Variants in SLC66A2 observed in about 807,000 individuals in gnomAD.
SLC66A2 encodes the protein solute carrier family 66 member 2, also known as PQ loop repeat containing 1.
SLC66A2 carries 23 observed loss-of-function variants against 25.5 expected under a neutral mutation model. The ratio of observed to expected loss-of-function variants is 0.90; its 90% CI spans 0.65 to 1.28. The LOEUF (loss-of-function observed/expected upper bound fraction) is 1.28. Among genes scored for constraint, SLC66A2 ranks in the 50% most tolerant of loss-of-function variants. The pLI is 0.00. For synonymous variants in SLC66A2, 193 were observed against 166.5 expected (o/e 1.16, Z -1.23); for missense variants, 396 against 373.1 (o/e 1.06, Z -0.51).
chr18:79,946,425 T>C (rs28549295), intron 2 of SLC66A2, among the ~76,000 whole-genome samples: 20,579 of 152,280 alleles, frequency 0.14, 1,445 homozygotes, highest in East Asian at 0.22. Context: ...GCCATGAACT[T>C]AGGAGAGCAC....
intron 2 of SLC66A2, chr18:79,947,119 T>C (rs940696365): frequency 1.3e-5 from 2 of 152,306 alleles, no homozygotes; most frequent in African/African-American, 4.8e-5. Flanking sequence ...TGGGTGCTAC[T>C]GTGGGTGGAG....
At position 79,941,277 on chromosome 18, in the gene SLC66A2, C is replaced by T. The variant is rs1987643124; in HGVS notation, c.337+2052G>A. 6.6e-6 allele frequency among the ~76,000 whole-genome samples: 1 copy of T among 152,192 alleles called. No homozygotes were observed. Among genetic ancestry groups the T allele is most frequent in the Admixed American group, 6.5e-5 (1 of 15,284 alleles). Reference sequence around the variant, plus strand: ...AGAGCCAGGCCCTCAGCTCCAGCACCTGACCATCTCCTCTGCGGCCCTTGT... The same window carrying T: ...AGAGCCAGGCCCTCAGCTCCAGCACTTGACCATCTCCTCTGCGGCCCTTGT... On this transcript the variant is annotated intron_variant, in intron 3 of 5. Transcript: ENST00000397778. This position sits in a 1 kb window ranked among gnomAD's most constrained non-coding sequence, Gnocchi z 4.1.
In SLC66A2 at chr18:79,909,460, A is replaced by C. The variant is rs901295779; in HGVS notation, c.609-5277T>G. On this transcript the variant is annotated intron_variant, in intron 5 of 5. Coordinates refer to ENST00000397778, the MANE Select transcript of SLC66A2 (RefSeq NM_025078.5). ...CCACAGAGTCCTCAACCTTCCCCAC[A>C]ACCTCACCAGAGTCCCCAACCTTCC... 4.1e-5 allele frequency among the ~76,000 whole-genome samples: 6 copies of C among 145,224 alleles called. No individual in the cohort carries two copies. The East Asian group carries it at 6.3e-4, about 15-fold the overall frequency.
rs143558163 is a variant in SLC66A2, at chr18:79,927,664, C to T, written c.391+6305G>A. Among the ~76,000 whole-genome samples the T allele has an allele frequency of 5.2e-4, 79 of 152,252 alleles. 1 individual carries two copies. Among genetic ancestry groups the T allele is most frequent in the Middle Eastern group, 3.4e-3 (1 of 292 alleles). On this transcript the variant is annotated intron_variant, in intron 4 of 5. Coordinates refer to ENST00000397778, the MANE Select transcript of SLC66A2 (RefSeq NM_025078.5). This position sits in a 1 kb window ranked among gnomAD's most constrained non-coding sequence, Gnocchi z 6.2. ...CCCTCGGGGAGTGACAGAGCCCCCG[C>T]CCCAACCCCAGTGAGTGGGACAGGC...
chr18:79,942,376 G>A (rs879520800), intron 3 of SLC66A2, among the ~76,000 whole-genome samples: 1 of 152,158 alleles, frequency 6.6e-6, no homozygotes, highest in Non-Finnish European at 1.5e-5. Context: ...TTTCTACAGA[G>A]GCTGAAAGCA....
At position 79,917,467 on chromosome 18, in the gene SLC66A2, A is replaced by C. The variant is rs1444660368; in HGVS notation, c.608+1717T>G. 6.6e-6 allele frequency among the ~76,000 whole-genome samples: 1 copy of C among 152,214 alleles called. No individual in the cohort carries two copies. Among genetic ancestry groups the C allele is most frequent in the Admixed American group, 6.5e-5 (1 of 15,304 alleles). On this transcript the variant is annotated intron_variant, in intron 5 of 5. Coordinates refer to ENST00000397778, the MANE Select transcript of SLC66A2 (RefSeq NM_025078.5). This position sits in a 1 kb window ranked among gnomAD's most constrained non-coding sequence, Gnocchi z 6.0. ...ATGCTCTGGAGGGCACAGGCCTGGC[A>C]CCCAGGCACCTCCCACAGATCTCCA...
chr18:79,944,896 G>A (rs1367082063), intron 2 of SLC66A2, among the ~76,000 whole-genome samples: 2 of 140,718 alleles, frequency 1.4e-5, no homozygotes, highest in African/African-American at 5.3e-5. Flanking sequence ...TATCGACTCA[G>A]AGCAGAAGCA....
Position 79,918,932 on chromosome 18 carries a change from C to T in SLC66A2, c.608+252G>A, listed in dbSNP as rs947326761. ...CTCCCACTGGAAGGTTCCGTCTCAA[C>T]GGCCCTGAAGGAGCAGCTCCCAACC... On this transcript the variant is annotated intron_variant, in intron 5 of 5. Transcript: ENST00000397778. This position sits in a 1 kb window ranked among gnomAD's most constrained non-coding sequence, Gnocchi z 4.0. Among the ~76,000 whole-genome samples the T allele has an allele frequency of 1.3e-5, 2 of 152,242 alleles. No individual in the cohort carries two copies. The highest frequency in any genetic ancestry group is 4.8e-5 in the African/African-American group (2 of 41,464).
chr18:79,946,307 C>T (rs1482028122), intron 2 of SLC66A2, among the ~76,000 whole-genome samples: 2 of 152,184 alleles, frequency 1.3e-5, no homozygotes, highest in Non-Finnish European at 2.9e-5. Flanking sequence ...AAAATGAAAA[C>T]GAAACAGAAT....
At chr18:79,924,036 C>CA (rs1415720359) in intron 4 of SLC66A2, among the ~76,000 whole-genome samples, 14,949 of 94,710 alleles carry the variant, frequency 0.16, 887 homozygotes, top group Middle Eastern at 0.27. Context: ...GACCTGGTCT[C>CA]AAAAAAAAAA....
chr18:79,946,747 C>T (rs1195526462), intron 2 of SLC66A2, among the ~76,000 whole-genome samples: 1 of 152,170 alleles, frequency 6.6e-6, no homozygotes, highest in African/African-American at 2.4e-5. Context: ...GCAGGTGGAT[C>T]ACGAGGTCAG....
intron 4 of SLC66A2, among the ~76,000 whole-genome samples, chr18:79,926,530 C>A (rs1011121579): frequency 6.6e-6 from 1 of 152,084 alleles, no homozygotes; most frequent in African/African-American, 2.4e-5. Flanking sequence ...ACTCGATGGG[C>A]GCTCGCAGGA....
chr18:79,916,220 GTACCTGCGGCA>G (rs1568302316), intron 5 of SLC66A2, among the ~76,000 whole-genome samples: 73 of 84,680 alleles, frequency 8.6e-4, no homozygotes, highest in African/African-American at 2.6e-3. Context: ...CGGCGCTCTT[GTACCTGCGGCA>G]CTCCCGTACC....
At position 79,903,694 on chromosome 18, in the gene SLC66A2, A is replaced by G; in HGVS notation, c.*282T>C. The G allele has an allele frequency of 4.3e-6, 2 of 462,154 alleles. No homozygotes were observed. The highest frequency in any genetic ancestry group is 7.6e-6 in the Non-Finnish European group (2 of 262,464). 28.6% of individuals were successfully genotyped at this position (462,154 alleles called of 1,614,324 possible). A position where few individuals can be genotyped will look rare whatever the true frequency, so the allele number is the denominator to read the frequency against. On this transcript the variant is annotated 3_prime_UTR_variant, in exon 6 of 6. Transcript: ENST00000397778. ...ACCTTGGGCTCAGACGGTGTTTCAT[A>G]AGAGGAAATGGGGAAAACACTTGCT... is the stretch of plus-strand genomic sequence containing the variant.
intron 3 of SLC66A2, among the ~76,000 whole-genome samples, chr18:79,943,019 C>G (rs1987820803): frequency 6.6e-6 from 1 of 152,212 alleles, no homozygotes. Context: ...GGGCCAGGCA[C>G]AGATGAGCAC....
chr18:79,949,068 A>AC (rs1236934468), intron 2 of SLC66A2, among the ~76,000 whole-genome samples: 1 of 152,122 alleles, frequency 6.6e-6, no homozygotes, highest in African/African-American at 2.4e-5. Flanking sequence ...TCGAGACGGG[A>AC]CTCGGACCCA....
rs575727045 is a variant in SLC66A2 at position 79,922,952 on chromosome 18, G to A, written c.392-3552C>T. 6.6e-5 allele frequency among the ~76,000 whole-genome samples: 10 copies of A among 151,862 alleles called. No individual in the cohort carries two copies. The East Asian group carries it at 2.0e-3, about 30-fold the overall frequency. On this transcript the variant is annotated intron_variant, in intron 4 of 5. Coordinates refer to ENST00000397778, the MANE Select transcript of SLC66A2 (RefSeq NM_025078.5). ...AGTGCAGTGAGGGCAGGGGTGGCCA[G>A]GCTGTGCACCTTCTCCCCATCCCCT...
chr18:79,912,012 AGGACAGCAGCAGGAAGG>A (rs1238889994), intron 5 of SLC66A2, among the ~76,000 whole-genome samples: 3 of 88,938 alleles, frequency 3.4e-5, no homozygotes, highest in East Asian at 3.7e-4. Context: ...CAGCAGGGAG[AGGACAGCAGCAGGAAGG>A]GGACAGGAGC....
chr18:79,915,047 G>A (rs888596150), intron 5 of SLC66A2, among the ~76,000 whole-genome samples: 7 of 152,204 alleles, frequency 4.6e-5, no homozygotes, highest in South Asian at 2.1e-4. Flanking sequence ...TCCCTTTCCC[G>A]TTTAGTGAGA....
Sources: allele counts gnomAD v4.1 joint callset (sites outside exome capture counted in the v4.1 genomes callset), GRCh38; gene constraint gnomAD v4.1.1; non-coding constraint Gnocchi (gnomAD v3.1); transcripts MANE v1.5; gene names NCBI Gene and HGNC (gene_info 2026-07-23, HGNC 2026-07-21).